ZDHHC13: variants seen among roughly 807,000 people sequenced by gnomAD.
ZDHHC13 encodes the protein palmitoyltransferase ZDHHC13.
Under a neutral mutation model 86.0 loss-of-function variants are expected in ZDHHC13, and 85 were observed. That is an observed-to-expected ratio of 0.99 (90% CI 0.83 to 1.18). ZDHHC13 has a LOEUF of 1.18. ZDHHC13 is among the 50% of genes most tolerant of loss of function. The pLI, the probability that ZDHHC13 is intolerant of heterozygous loss-of-function variation, is 0.00. For missense variants in ZDHHC13, 711 were observed against 730.2 expected, an observed-to-expected ratio of 0.97 and a Z score of 0.30; for synonymous variants, 263 against 246.4, an observed-to-expected ratio of 1.07 and a Z score of -0.63.
Position 19,133,920 on chromosome 11 carries a change from CATATATATAT to C in ZDHHC13, c.28-9044_28-9035del, listed in dbSNP as rs1554961794. Among the ~76,000 whole-genome samples, 51 of 83,438 alleles carry C rather than the reference CATATATATAT, an allele frequency of 6.1e-4. 1 individual carries two copies. The highest frequency in any genetic ancestry group is 1.8e-3 in the African/African-American group (48 of 26,018). The allele number at this position is 83,438 out of a possible 152,430, so 54.7% of individuals were successfully genotyped here. On this transcript the variant is annotated intron_variant, in intron 1 of 16. Transcript: ENST00000446113. ...TTCTTTACTCTTTACGAAAGAAGTC[CATATATATAT>C]ATATATATATATACACGTATGTGTT...
In ZDHHC13 at chr11:19,164,453, A is replaced by G. The variant is rs139404216; in HGVS notation, c.1296+90A>G. The G allele has an allele frequency of 9.0e-5, 111 of 1,237,798 alleles. 1 individual carries two copies. In the East Asian group the frequency reaches 2.6e-3, roughly 29 times the overall value. The allele number at this position is 1,237,798 out of a possible 1,614,324, so 76.7% of individuals were successfully genotyped here. On this transcript the variant is annotated intron_variant, in intron 12 of 16. Transcript: ENST00000446113. ...AGCATTTGTCAGATCTTCATGGTAT[A>G]TTTATACACCTTTGTTTTTACCCAT...
chr11:19,164,640 G>A (rs145320011), intron 12 of ZDHHC13: 39 of 455,090 alleles, frequency 8.6e-5, no homozygotes, highest in African/African-American at 5.5e-4. Context: ...TAGAACTAAC[G>A]TCAAATCAGA....
chr11:19,120,292 G>A (rs960175646), intron 1 of ZDHHC13, among the ~76,000 whole-genome samples: 9 of 152,210 alleles, frequency 5.9e-5, no homozygotes, highest in African/African-American at 2.2e-4. Flanking sequence ...CAGCTGCAAA[G>A]ACTCATAAGC....
At chr11:19,130,856 T>G (rs568592808) in intron 1 of ZDHHC13, among the ~76,000 whole-genome samples, 1 of 152,128 alleles carries the variant, frequency 6.6e-6, no homozygotes, top group African/African-American at 2.4e-5. Flanking sequence ...TTTTGTTTTT[T>G]TTTTTTTGAA....
At chr11:19,119,576 C>T (rs1470011729) in intron 1 of ZDHHC13, among the ~76,000 whole-genome samples, 1 of 152,190 alleles carries the variant, frequency 6.6e-6, no homozygotes, top group Non-Finnish European at 1.5e-5. Context: ...TCTGTGACCC[C>T]CGTATTTAAA....
intron 2 of ZDHHC13, among the ~76,000 whole-genome samples, chr11:19,145,748 C>A (rs954234199): frequency 6.6e-6 from 1 of 152,182 alleles, no homozygotes; most frequent in East Asian, 1.9e-4. Context: ...TACCTATATT[C>A]TTTCCATATT....
chr11:19,170,903 G>T (rs1229058745), intron 15 of ZDHHC13, among the ~76,000 whole-genome samples: 1 of 152,210 alleles, frequency 6.6e-6, no homozygotes, highest in Non-Finnish European at 1.5e-5. Context: ...GTCACCCAGT[G>T]TGTGGCAAAA....
At position 19,147,780 on chromosome 11, in the gene ZDHHC13, C is replaced by CCG. The variant is rs757846318; in HGVS notation, c.374+108_374+109insGC. On this transcript the variant is annotated intron_variant, in intron 4 of 16. Coordinates refer to ENST00000446113, the MANE Select transcript of ZDHHC13 (RefSeq NM_019028.3). ...GAAAGGCTGTCTTTTCTTCCCCCCCCCCCTTTATTTAAAAATAAATTTCAG... is the reference window on the plus strand; with the variant it reads ...GAAAGGCTGTCTTTTCTTCCCCCCCCCGCCCTTTATTTAAAAATAAATTTCAG... The CCG allele has an allele frequency of 2.1e-5, 16 of 753,880 alleles. No individual in the cohort carries two copies. The South Asian group carries it at 2.5e-4, about 12-fold the overall frequency. 46.7% of individuals were successfully genotyped at this position (753,880 alleles called of 1,614,324 possible). A position where few individuals can be genotyped will look rare whatever the true frequency, so the allele number is the denominator to read the frequency against.
At chr11:19,121,836 C>A (rs10500841) in intron 1 of ZDHHC13, among the ~76,000 whole-genome samples, 100,356 of 151,872 alleles carry the variant, frequency 0.66, 33,824 homozygotes, top group Admixed American at 0.76. Flanking sequence ...TTCACTTTAC[C>A]AACGTAGAAA....
rs184781971 is a variant in ZDHHC13, at chr11:19,169,164, G to A, written c.1475-1247G>A. The A allele has an allele frequency of 8.0e-3, 7,890 of 985,418 alleles. 31 individuals carry two copies. Among genetic ancestry groups the A allele is most frequent in the Non-Finnish European group, 8.9e-3 (7,412 of 829,916 alleles). 61.0% of individuals were successfully genotyped at this position (985,418 alleles called of 1,614,324 possible). On this transcript the variant is annotated intron_variant, in intron 14 of 16. Coordinates refer to ENST00000446113, the MANE Select transcript of ZDHHC13 (RefSeq NM_019028.3). ...AAAGAATTCCCAGAAGGGAGCAGTA[G>A]AAATCCATAAACTGAAAGAAAATAG...
At chr11:19,139,646 A>G (rs1305243254) in intron 1 of ZDHHC13, among the ~76,000 whole-genome samples, 1 of 151,658 alleles carries the variant, frequency 6.6e-6, no homozygotes, top group Non-Finnish European at 1.5e-5. Flanking sequence ...GAGGCATCAC[A>G]CTGCCTGACT....
At chr11:19,162,233 A>G (rs975050110) in intron 10 of ZDHHC13, among the ~76,000 whole-genome samples, 8 of 152,142 alleles carry the variant, frequency 5.3e-5, no homozygotes, top group African/African-American at 1.9e-4. Flanking sequence ...GTGCAGATCT[A>G]AAGGATCTAA....
chr11:19,121,753 T>TG (rs1848763030), intron 1 of ZDHHC13, among the ~76,000 whole-genome samples: 1 of 152,168 alleles, frequency 6.6e-6, no homozygotes, highest in South Asian at 2.1e-4. Flanking sequence ...ATAGTGACTA[T>TG]TGTAATAGCT....
At position 19,117,931 on chromosome 11, in the gene ZDHHC13, T is replaced by A. The variant is rs893844385; in HGVS notation, c.27+655T>A. ...AAGCCAGGCGGGCCAGTCGGAGAAG[T>A]TACAGGAGGTAGATGTTGTCTCCAA... On this transcript the variant is annotated intron_variant, in intron 1 of 16. Transcript: ENST00000446113. The surrounding 1 kb of genome is among the most constrained non-coding windows in gnomAD (Gnocchi z 4.2). 6.6e-6 allele frequency: 1 copy of A among 152,302 alleles called. No individual in the cohort carries two copies. Among genetic ancestry groups the A allele is most frequent in the African/African-American group, 2.4e-5 (1 of 41,448 alleles). The allele number at this position is 152,302 out of a possible 1,614,324, so 9.4% of individuals were successfully genotyped here. A position where few individuals can be genotyped will look rare whatever the true frequency, so the allele number is the denominator to read the frequency against.
At chr11:19,135,972 A>G (rs1392874649) in intron 1 of ZDHHC13, among the ~76,000 whole-genome samples, 1 of 152,232 alleles carries the variant, frequency 6.6e-6, no homozygotes, top group Non-Finnish European at 1.5e-5. Context: ...AAAGATGGGG[A>G]AAAAACAGAG....
chr11:19,162,929 G>C (rs1339563727), intron 10 of ZDHHC13, among the ~76,000 whole-genome samples: 1 of 151,966 alleles, frequency 6.6e-6, no homozygotes, highest in Non-Finnish European at 1.5e-5. Context: ...GAATCAAGAG[G>C]GTTGTTTCTT....
intron 1 of ZDHHC13, among the ~76,000 whole-genome samples, chr11:19,119,956 G>A (rs1035788629): frequency 1.3e-5 from 2 of 152,100 alleles, no homozygotes; most frequent in African/African-American, 4.8e-5. Context: ...CTTTTTATTC[G>A]ATAATCTGGC....
intron 9 of ZDHHC13, among the ~76,000 whole-genome samples, chr11:19,158,470 C>T (rs1425338988): frequency 6.6e-6 from 1 of 151,926 alleles, no homozygotes; most frequent in Non-Finnish European, 1.5e-5. Flanking sequence ...GATGAATGTG[C>T]TTAAGGTTGT....
At chr11:19,145,527 A>T in intron 2 of ZDHHC13, among the ~76,000 whole-genome samples, 1 of 152,218 alleles carries the variant, frequency 6.6e-6, no homozygotes, top group East Asian at 1.9e-4. Flanking sequence ...ATCTTTGCCT[A>T]TTGCGTCTGA....
Sources: gnomAD v4.1 joint callset for allele counts (sites outside exome capture counted in the v4.1 genomes callset) on GRCh38, gnomAD v4.1.1 for gene constraint, Gnocchi (gnomAD v3.1) non-coding constraint, MANE v1.5 for transcripts, NCBI Gene and HGNC (gene_info 2026-07-23, HGNC 2026-07-21) for gene names.